The following GLRA3 variants were observed in gnomAD, a reference collection of about 807,000 sequenced individuals.
GLRA3 encodes glycine receptor subunit alpha-3.
Under a neutral mutation model 60.4 loss-of-function variants are expected in GLRA3, and 44 were observed. The observed-to-expected ratio is 0.73, with a 90% CI of 0.57 to 0.94. The LOEUF (loss-of-function observed/expected upper bound fraction) is 0.94, where lower values mean the gene tolerates loss of function less well. GLRA3 is among the 40% of genes least tolerant of loss of function. The probability of loss-of-function intolerance (pLI) is 0.00; values close to 1 mark genes in which losing one functional copy is unlikely to be tolerated. For synonymous variants in GLRA3, 223 were observed against 192.9 expected (o/e 1.16, Z -1.29); for missense variants, 508 against 564.6 (o/e 0.90, Z 1.02).
chr4:174,826,733 A>G (rs926559528), intron 1 of GLRA3, among the ~76,000 whole-genome samples: 2 of 152,148 alleles, frequency 1.3e-5, no homozygotes, highest in Admixed American at 6.5e-5. Flanking sequence ...TATGTTAAGA[A>G]TTAATGCCAA....
At chr4:174,782,983 G>A (rs963589813) in intron 2 of GLRA3, among the ~76,000 whole-genome samples, 1 of 151,976 alleles carries the variant, frequency 6.6e-6, no homozygotes, top group Non-Finnish European at 1.5e-5. Flanking sequence ...AAGTTCACAT[G>A]GAACCAAAAA....
chr4:174,644,080 G>C lies in GLRA3; in HGVS notation c.1117-16C>G. The C allele has an allele frequency of 6.6e-7, 1 of 1,517,504 alleles. No individual in the cohort carries two copies. Among genetic ancestry groups the C allele is most frequent in the Non-Finnish European group, 9.1e-7 (1 of 1,099,262 alleles). 94.0% of individuals were successfully genotyped at this position (1,517,504 alleles called of 1,614,324 possible). On this transcript the variant is annotated splice_polypyrimidine_tract_variant and intron_variant, in intron 9 of 9. Transcript: ENST00000274093. ...CCTCATCATCCTGTCAAAGAAAAAT[G>C]TGACAAGGCCCTTTAATAATACAAT...
At chr4:174,811,596 C>T (rs1740278950) in intron 1 of GLRA3, among the ~76,000 whole-genome samples, 1 of 152,146 alleles carries the variant, frequency 6.6e-6, no homozygotes, top group Non-Finnish European at 1.5e-5. Context: ...CACTGGTTTT[C>T]AATGTTGATA....
intron 3 of GLRA3, among the ~76,000 whole-genome samples, chr4:174,740,860 T>C (rs563914559): frequency 6.6e-6 from 1 of 152,322 alleles, no homozygotes; most frequent in African/African-American, 2.4e-5. Flanking sequence ...AATCACACAA[T>C]ATTTAACATT....
intron 3 of GLRA3, among the ~76,000 whole-genome samples, chr4:174,747,697 T>C (rs192432240): frequency 5.2e-4 from 79 of 152,108 alleles, no homozygotes; most frequent in Middle Eastern, 6.8e-3. Context: ...CAGGAAGAAA[T>C]AGGTCCTCAA....
chr4:174,703,708 C>T (rs374241669), intron 5 of GLRA3, among the ~76,000 whole-genome samples: 7 of 152,008 alleles, frequency 4.6e-5, no homozygotes, highest in Admixed American at 3.3e-4. Flanking sequence ...CATCTAATGC[C>T]GCTCACTTAT....
intron 5 of GLRA3, among the ~76,000 whole-genome samples, chr4:174,688,466 T>C (rs570048725): frequency 6.6e-6 from 1 of 150,680 alleles, no homozygotes; most frequent in East Asian, 2.0e-4. Context: ...AGAGACTTAT[T>C]CTGTTTTAGT....
At chr4:174,659,239 T>C (rs915896237) in intron 7 of GLRA3, 42 bp from the exon 8 acceptor site, 5 of 1,494,778 alleles carry the variant, frequency 3.3e-6, no homozygotes, top group Admixed American at 3.7e-5. Flanking sequence ...TTCACTTATA[T>C]TGTTACTTCC....
At chr4:174,729,776 T>A (rs550879734) in intron 3 of GLRA3, among the ~76,000 whole-genome samples, 2 of 152,338 alleles carry the variant, frequency 1.3e-5, no homozygotes, top group East Asian at 3.9e-4. Context: ...TTCATTTGCA[T>A]GCAAAATAGC....
chr4:174,711,809 A>G (rs1328965937), intron 5 of GLRA3, among the ~76,000 whole-genome samples: 1 of 152,106 alleles, frequency 6.6e-6, no homozygotes, highest in African/African-American at 2.4e-5. Context: ...TTTTCTGGTT[A>G]AAATTATTCT....
chr4:174,745,071 T>C (rs188654846), intron 3 of GLRA3, among the ~76,000 whole-genome samples: 1 of 152,126 alleles, frequency 6.6e-6, no homozygotes, highest in African/African-American at 2.4e-5. Context: ...ACCACAGAAC[T>C]TGAAGACAGG....
At chr4:174,767,917 A>T (rs1738218880) in intron 2 of GLRA3, among the ~76,000 whole-genome samples, 1 of 148,970 alleles carries the variant, frequency 6.7e-6, no homozygotes, top group African/African-American at 2.6e-5. Flanking sequence ...CAGGTCCTTT[A>T]TAATTTTTGT....
chr4:174,761,225 C>CAT (rs1392894342), intron 3 of GLRA3, among the ~76,000 whole-genome samples: 1 of 151,814 alleles, frequency 6.6e-6, no homozygotes, highest in African/African-American at 2.4e-5. Context: ...ATTCCCTTAA[C>CAT]ATATATATAG....
intron 3 of GLRA3, among the ~76,000 whole-genome samples, chr4:174,732,131 C>T (rs767871222): frequency 3.6e-4 from 55 of 152,206 alleles, no homozygotes; most frequent in Non-Finnish European, 5.9e-4. Flanking sequence ...CCGAGGTGGG[C>T]GGATCACGAG....
intron 1 of GLRA3, among the ~76,000 whole-genome samples, chr4:174,822,778 C>G (rs1320502529): frequency 6.6e-6 from 1 of 152,188 alleles, no homozygotes; most frequent in African/African-American, 2.4e-5. Context: ...TGCTTCCATT[C>G]AGTAAGCTTT....
chr4:174,643,325 G>A lies in GLRA3; in HGVS notation c.*461C>T. 3 of 582,024 alleles carry A rather than the reference G, an allele frequency of 5.2e-6. No homozygotes were observed. Among genetic ancestry groups the A allele is most frequent in the Non-Finnish European group, 5.9e-6 (3 of 510,144 alleles). 36.1% of individuals were successfully genotyped at this position (582,024 alleles called of 1,614,324 possible). Reference sequence around the variant, plus strand: ...CATTAATATGAGTGAATTTCCCACTGTAACTAATTATTTTCCCATTTTGTA... The same window carrying A: ...CATTAATATGAGTGAATTTCCCACTATAACTAATTATTTTCCCATTTTGTA... On this transcript the variant is annotated 3_prime_UTR_variant, in exon 10 of 10. Transcript: ENST00000274093.
chr4:174,785,675 T>C (rs1268238305), intron 2 of GLRA3, among the ~76,000 whole-genome samples: 1 of 152,176 alleles, frequency 6.6e-6, no homozygotes, highest in East Asian at 1.9e-4. Flanking sequence ...GCTGATTACT[T>C]ATCTAGGTAA....
At chr4:174,783,834 G>A (rs1739000133) in intron 2 of GLRA3, among the ~76,000 whole-genome samples, 1 of 152,138 alleles carries the variant, frequency 6.6e-6, no homozygotes, top group African/African-American at 2.4e-5. Flanking sequence ...GTGCTGGAGA[G>A]GATGTGGAGG....
At chr4:174,815,436 G>C (rs183538402) in intron 1 of GLRA3, among the ~76,000 whole-genome samples, 1 of 152,184 alleles carries the variant, frequency 6.6e-6, no homozygotes, top group Non-Finnish European at 1.5e-5. Flanking sequence ...GGGACTCTGC[G>C]TGGGGGCTCC....
Sources: allele counts gnomAD v4.1 joint callset (sites outside exome capture counted in the v4.1 genomes callset), GRCh38; gene constraint gnomAD v4.1.1; transcripts MANE v1.5; gene names NCBI Gene and HGNC (gene_info 2026-07-23, HGNC 2026-07-21).